CADM2: variants seen among roughly 807,000 people sequenced by gnomAD.
CADM2 encodes the protein immunoglobulin superfamily member 4D.
A neutral mutation model predicts 49.8 loss-of-function variants in CADM2; 12 were observed. The observed-to-expected ratio is 0.24, with a 90% CI of 0.15 to 0.39. The LOEUF (loss-of-function observed/expected upper bound fraction) is 0.39, where lower values mean the gene tolerates loss of function less well. Ranked by LOEUF, CADM2 falls within the 10% of genes least tolerant of loss-of-function variation. The pLI, the probability that CADM2 is intolerant of heterozygous loss-of-function variation, is 1.00. For missense variants in CADM2, 378 were observed against 492.3 expected (o/e 0.77, Z 2.20); for synonymous variants, 214 against 175.4 (o/e 1.22, Z -1.74).
intron 1 of CADM2, among the ~76,000 whole-genome samples, chr3:85,288,929 G>C (rs893259701): frequency 6.6e-6 from 1 of 151,888 alleles, no homozygotes; most frequent in East Asian, 1.9e-4. Flanking sequence ...TATATGAACA[G>C]TTCTTGAGAT....
chr3:85,543,420 A>ATGTGTGTGGGGGTGGGGGTG (rs372108050), intron 1 of CADM2, among the ~76,000 whole-genome samples: 1 of 129,584 alleles, frequency 7.7e-6, no homozygotes, highest in African/African-American at 2.8e-5. Context: ...TGCCAAGCTA[A>ATGTGTGTGGGGGTGGGGGTG]TGTGTGTGTG....
At chr3:85,131,824 G>C (rs770556637) in intron 1 of CADM2, among the ~76,000 whole-genome samples, 2 of 151,190 alleles carry the variant, frequency 1.3e-5, no homozygotes, top group Non-Finnish European at 2.9e-5. Context: ...CATACACTAC[G>C]ATACAATTAA....
intron 2 of CADM2, among the ~76,000 whole-genome samples, chr3:85,760,572 A>G (rs2107899366): frequency 6.6e-6 from 1 of 152,306 alleles, no homozygotes; most frequent in South Asian, 2.1e-4. Flanking sequence ...ATAAAAGAAC[A>G]TAAGGCATTC....
At chr3:85,123,976 T>C in intron 1 of CADM2, among the ~76,000 whole-genome samples, 1 of 152,196 alleles carries the variant, frequency 6.6e-6, no homozygotes. Context: ...TGGGATGAGC[T>C]ATATAAGTAC....
intron 1 of CADM2, among the ~76,000 whole-genome samples, chr3:85,177,366 A>T (rs549244033): frequency 1.3e-5 from 2 of 152,188 alleles, no homozygotes; most frequent in Admixed American, 6.5e-5. Flanking sequence ...AATTTATTGA[A>T]ATATTTTTAT....
At chr3:85,503,615 T>A (rs766897136) in intron 1 of CADM2, among the ~76,000 whole-genome samples, 58 of 152,212 alleles carry the variant, frequency 3.8e-4, no homozygotes, top group Non-Finnish European at 6.2e-4. Flanking sequence ...TTATGAACTG[T>A]CAACACCGTA....
intron 3 of CADM2, among the ~76,000 whole-genome samples, chr3:85,810,724 G>C (rs1002685761): frequency 6.6e-6 from 1 of 151,750 alleles, no homozygotes; most frequent in Non-Finnish European, 1.5e-5. Flanking sequence ...ATTTTTAGTA[G>C]AGAAGAGGTT....
intron 1 of CADM2, among the ~76,000 whole-genome samples, chr3:85,639,517 A>G (rs1400629987): frequency 1.3e-5 from 2 of 152,118 alleles, no homozygotes; most frequent in African/African-American, 4.8e-5. Context: ...AGAATGCTCT[A>G]CCACCAGGAG....
At chr3:85,986,671 T>TA in intron 8 of CADM2, among the ~76,000 whole-genome samples, 1 of 152,056 alleles carries the variant, frequency 6.6e-6, no homozygotes, top group Non-Finnish European at 1.5e-5. Context: ...ACTAGTCTTT[T>TA]AAAAAACAAT....
chr3:85,388,866 A>G (rs1559815034), intron 1 of CADM2, among the ~76,000 whole-genome samples: 1 of 152,170 alleles, frequency 6.6e-6, no homozygotes, highest in Non-Finnish European at 1.5e-5. Flanking sequence ...TGTACACATT[A>G]TGATATCTAA....
chr3:85,909,877 C>T (rs763385958), intron 5 of CADM2, among the ~76,000 whole-genome samples: 1 of 152,106 alleles, frequency 6.6e-6, no homozygotes, highest in Non-Finnish European at 1.5e-5. Flanking sequence ...AGTGTCTTCT[C>T]TATTCATTTC....
At chr3:85,052,678 C>T (rs1037678068) in intron 1 of CADM2, among the ~76,000 whole-genome samples, 1 of 152,072 alleles carries the variant, frequency 6.6e-6, no homozygotes, top group South Asian at 2.1e-4. Context: ...TTGGAGTAAA[C>T]AAAAATGTGT....
At chr3:85,012,034 A>G (rs1282279143) in intron 1 of CADM2, among the ~76,000 whole-genome samples, 106 of 152,012 alleles carry the variant, frequency 7.0e-4, no homozygotes, top group Non-Finnish European at 2.9e-5. Flanking sequence ...ACTACTAAAC[A>G]GAAGAGTTTA....
chr3:85,393,714 C>T lies in CADM2; in HGVS notation c.62-332808C>T, dbSNP rs181832172. On this transcript the variant is annotated intron_variant, in intron 1 of 9. Coordinates refer to ENST00000383699, the MANE Select transcript of CADM2 (RefSeq NM_001167675.2). ...CCTCTGATACTAACCTTGTAAGATT[C>T]GAGATAGATCGTAACCCCTTTTGTG... Among the ~76,000 whole-genome samples the T allele has an allele frequency of 2.0e-3, 300 of 152,034 alleles. 3 individuals carry two copies. Among genetic ancestry groups the T allele is most frequent in the African/African-American group, 7.1e-3 (294 of 41,428 alleles).
At chr3:86,021,383 T>C (rs1268524137) in intron 8 of CADM2, among the ~76,000 whole-genome samples, 1 of 152,076 alleles carries the variant, frequency 6.6e-6, no homozygotes, top group African/African-American at 2.4e-5. Context: ...CCCGGAGGAA[T>C]ATATTTCCTT....
chr3:85,770,005 A>G (rs1294301221), intron 2 of CADM2, among the ~76,000 whole-genome samples: 1 of 151,988 alleles, frequency 6.6e-6, no homozygotes. Context: ...CAAACAAAAA[A>G]AACAGCATTT....
intron 1 of CADM2, among the ~76,000 whole-genome samples, chr3:85,457,257 A>T (rs965304733): frequency 2.0e-5 from 3 of 151,934 alleles, no homozygotes; most frequent in African/African-American, 7.3e-5. Flanking sequence ...TACAAAATAC[A>T]TAAAATTTAG....
chr3:85,218,116 G>T (rs1015342903), intron 1 of CADM2, among the ~76,000 whole-genome samples: 5 of 151,952 alleles, frequency 3.3e-5, no homozygotes, highest in Middle Eastern at 3.4e-3. Context: ...ATTAGTTTAT[G>T]AAATAAAGCA....
intron 1 of CADM2, among the ~76,000 whole-genome samples, chr3:85,648,675 T>A (rs2064960173): frequency 6.6e-6 from 1 of 152,006 alleles, no homozygotes. Flanking sequence ...AATGTTATAG[T>A]CCTAAGAAGA....
Sources: gnomAD v4.1 joint callset for allele counts (sites outside exome capture counted in the v4.1 genomes callset) on GRCh38, gnomAD v4.1.1 for gene constraint, MANE v1.5 for transcripts, NCBI Gene and HGNC (gene_info 2026-07-23, HGNC 2026-07-21) for gene names.